Variants in TFCP2L1 observed in about 807,000 individuals in gnomAD.
TFCP2L1 encodes the protein transcription factor CP2 like 1.
TFCP2L1 carries 12 observed loss-of-function variants against 72.2 expected under a neutral mutation model. The observed-to-expected ratio is 0.17, with a 90% confidence interval of 0.11 to 0.27. TFCP2L1 has a LOEUF of 0.27. TFCP2L1 is among the 10% of genes least tolerant of loss of function. The pLI is 1.00. For missense variants in TFCP2L1, 488 were observed against 624.6 expected (o/e 0.78, Z 2.33); for synonymous variants, 260 against 251.0 (o/e 1.04, Z -0.34).
At chr2:121,275,955 G>A (rs1687139224) in intron 2 of TFCP2L1, among the ~76,000 whole-genome samples, 1 of 152,216 alleles carries the variant, frequency 6.6e-6, no homozygotes, top group Non-Finnish European at 1.5e-5. Flanking sequence ...GAACCTCTCT[G>A]ACAAAGGAAA....
intron 2 of TFCP2L1, among the ~76,000 whole-genome samples, chr2:121,254,891 T>C (rs1338306425): frequency 6.6e-6 from 1 of 151,744 alleles, no homozygotes; most frequent in Non-Finnish European, 1.5e-5. Flanking sequence ...TGCAAACAGC[T>C]CCATTCACAG....
chr2:121,245,459 C>T lies in TFCP2L1; in HGVS notation c.657+1359G>A, dbSNP rs540315925. Among the ~76,000 whole-genome samples, 846 of 152,320 alleles carry T rather than the reference C, an allele frequency of 5.6e-3. 9 individuals are homozygous for T. The highest frequency in any genetic ancestry group is 8.0e-3 in the Non-Finnish European group (545 of 68,030). On this transcript the variant is annotated intron_variant, in intron 6 of 14. Coordinates refer to ENST00000263707, the MANE Select transcript of TFCP2L1 (RefSeq NM_014553.3). ...AGGAAGCAAGCAGAGTAGAGGAGCACAGCTCCCCTTGGAGGCCACTGCTCT... is the reference window on the plus strand; with the variant it reads ...AGGAAGCAAGCAGAGTAGAGGAGCATAGCTCCCCTTGGAGGCCACTGCTCT...
At position 121,285,040 on chromosome 2, in the gene TFCP2L1, G is replaced by A. The variant is rs764832875; in HGVS notation, c.62+8C>T. ...CCGAGACCCGCGGGGACCGCGCGCG[G>A]CCCTTACCGCAGGTAGCTGCCGGAG... On this transcript the variant is annotated splice_region_variant and intron_variant, in intron 1 of 14. Transcript: ENST00000263707. 6.7e-7 allele frequency: 1 copy of A among 1,496,960 alleles called. No individual in the cohort carries two copies. The highest frequency in any genetic ancestry group is 8.9e-7 in the Non-Finnish European group (1 of 1,123,190). The allele number at this position is 1,496,960 out of a possible 1,614,324, so 92.7% of individuals were successfully genotyped here. A position where few individuals can be genotyped will look rare whatever the true frequency, so the allele number is the denominator to read the frequency against.
At chr2:121,269,918 A>AAAAAAAAAAAAAAAAAAAAAAAAT in intron 2 of TFCP2L1, among the ~76,000 whole-genome samples, 6 of 115,178 alleles carry the variant, frequency 5.2e-5, no homozygotes, top group East Asian at 7.5e-4. Flanking sequence ...AAAAAAAAAA[A>AAAAAAAAAAAAAAAAAAAAAAAAT]ATATATATAT....
At chr2:121,278,409 G>A (rs1485477605) in intron 2 of TFCP2L1, among the ~76,000 whole-genome samples, 3 of 150,488 alleles carry the variant, frequency 2.0e-5, no homozygotes, top group African/African-American at 7.3e-5. Flanking sequence ...TAGTAGGCTG[G>A]GCACAGTGGC....
Position 121,222,131 on chromosome 2 carries a change from G to A in TFCP2L1, c.*2210C>T, listed in dbSNP as rs182190951. On this transcript the variant is annotated 3_prime_UTR_variant, in exon 15 of 15. Coordinates refer to ENST00000263707, the MANE Select transcript of TFCP2L1 (RefSeq NM_014553.3). ...TTTCATACTCATTAGGATGCTAAAA[G>A]CAAAAAGACAGATAATAGCAAGTGT... The A allele has an allele frequency of 1.3e-5, 2 of 152,240 alleles. No individual in the cohort carries two copies. Among genetic ancestry groups the A allele is most frequent in the East Asian group, 3.9e-4 (2 of 5,182 alleles). The allele number at this position is 152,240 out of a possible 1,614,324, so 9.4% of individuals were successfully genotyped here.
chr2:121,267,499 C>CT (rs113957775), intron 2 of TFCP2L1, among the ~76,000 whole-genome samples: 16,229 of 142,958 alleles, frequency 0.11, 1,630 homozygotes, highest in African/African-American at 0.29. Context: ...CATTAAAAAT[C>CT]TTTTTTTTTT....
At chr2:121,248,086 G>C in intron 5 of TFCP2L1, 78 bp downstream of exon 5, 3 of 1,221,846 alleles carry the variant, frequency 2.5e-6, no homozygotes, top group Non-Finnish European at 3.5e-6. Flanking sequence ...CTCCCAGATG[G>C]GTTAGTTTTG....
chr2:121,252,010 C>CTATTCTATTG (rs1377869657), intron 2 of TFCP2L1, among the ~76,000 whole-genome samples: 4 of 152,104 alleles, frequency 2.6e-5, no homozygotes, highest in Admixed American at 6.6e-5. Context: ...TACGGGCATT[C>CTATTCTATTG]TATTCTATTG....
intron 2 of TFCP2L1, among the ~76,000 whole-genome samples, chr2:121,261,626 T>G (rs925906516): frequency 6.6e-6 from 1 of 152,172 alleles, no homozygotes; most frequent in Non-Finnish European, 1.5e-5. Flanking sequence ...AGCATTCCAA[T>G]TACAGAAGAA....
rs1685952547 is a variant in TFCP2L1 at position 121,222,835 on chromosome 2, AAAG to A, written c.*1503_*1505del. 5 of 152,304 alleles carry A rather than the reference AAAG, an allele frequency of 3.3e-5. No individual in the cohort carries two copies. Among genetic ancestry groups the A allele is most frequent in the Non-Finnish European group, 7.3e-5 (5 of 68,028 alleles). 9.4% of individuals were successfully genotyped at this position (152,304 alleles called of 1,614,324 possible). On this transcript the variant is annotated 3_prime_UTR_variant, in exon 15 of 15. Transcript: ENST00000263707. ...TTAACCCACTCCCCGCTTCTCCTCT[AAAG>A]AAGGAAGAGGAATCAGGAGCCTGTC...
intron 2 of TFCP2L1, among the ~76,000 whole-genome samples, chr2:121,274,211 T>C (rs1573396206): frequency 6.6e-6 from 1 of 152,132 alleles, no homozygotes; most frequent in South Asian, 2.1e-4. Context: ...GCATTACTGA[T>C]TGGTGGGGGG....
At chr2:121,270,489 C>T (rs1278568923) in intron 2 of TFCP2L1, among the ~76,000 whole-genome samples, 1 of 152,206 alleles carries the variant, frequency 6.6e-6, no homozygotes, top group Non-Finnish European at 1.5e-5. Flanking sequence ...GCTATTTTCA[C>T]TCCCGCTTAA....
chr2:121,278,450 C>G (rs1470118869), intron 2 of TFCP2L1, among the ~76,000 whole-genome samples: 1 of 150,920 alleles, frequency 6.6e-6, no homozygotes, highest in African/African-American at 2.4e-5. Flanking sequence ...CTTTGGGAGG[C>G]TGAGGCAGGT....
At chr2:121,266,873 A>AT (rs11295321) in intron 2 of TFCP2L1, among the ~76,000 whole-genome samples, 2 of 150,138 alleles carry the variant, frequency 1.3e-5, no homozygotes, top group South Asian at 2.1e-4. Flanking sequence ...TAATATAATT[A>AT]TTTTTTTCAT....
At position 121,285,059 on chromosome 2, in the gene TFCP2L1, G is replaced by A; in HGVS notation, c.51C>T (p.Gly17=). ...CGCGCGGCCCTTACCGCAGGTAGCT[G>A]CCGGAGTTGTGCTGGTTGTAGTGCT... ...QPEHYNQHNS[G]SYLRDVLALP... is the part of the protein sequence containing the mutation. The change falls in exon 1 of 15, where the codon GGC becomes GGT. Residue 17 remains glycine (G), a synonymous_variant. Coordinates refer to ENST00000263707, the MANE Select transcript of TFCP2L1 (RefSeq NM_014553.3). 1 of 1,516,584 alleles carries A rather than the reference G, an allele frequency of 6.6e-7. No homozygotes were observed. 93.9% of individuals were successfully genotyped at this position (1,516,584 alleles called of 1,614,324 possible).
chr2:121,270,733 T>C (rs1687029942), intron 2 of TFCP2L1, among the ~76,000 whole-genome samples: 1 of 151,244 alleles, frequency 6.6e-6, no homozygotes, highest in Non-Finnish European at 1.5e-5. Flanking sequence ...CAGGACACAG[T>C]GGCTCATGCC....
rs138859644 is a variant in TFCP2L1 at position 121,257,568 on chromosome 2, T to G, written c.215-7921A>C. 1.2e-3 allele frequency among the ~76,000 whole-genome samples: 187 copies of G among 152,346 alleles called. 2 individuals are homozygous for G. Among genetic ancestry groups the G allele is most frequent in the African/African-American group, 4.1e-3 (171 of 41,592 alleles). On this transcript the variant is annotated intron_variant, in intron 2 of 14. Transcript: ENST00000263707. ...AATACACAAGTGCTCAACTAAACTT[T>G]GTGCTCTCCCTCTTCCCACCTGCAC... is the stretch of plus-strand genomic sequence containing the variant.
At chr2:121,241,568 T>C (rs1427288466) in intron 7 of TFCP2L1, among the ~76,000 whole-genome samples, 4 of 150,526 alleles carry the variant, frequency 2.7e-5, no homozygotes, top group Admixed American at 1.3e-4. Flanking sequence ...ATATGGAGGG[T>C]TGGAGCAGGC....
Sources: allele counts gnomAD v4.1 joint callset (sites outside exome capture counted in the v4.1 genomes callset), GRCh38; gene constraint gnomAD v4.1.1; transcripts MANE v1.5; gene names NCBI Gene and HGNC (gene_info 2026-07-23, HGNC 2026-07-21).